KIF26B: variants seen among roughly 807,000 people sequenced by gnomAD.
The protein encoded by KIF26B is kinesin family member 26B.
In KIF26B, 63 loss-of-function variants were observed where a neutral mutation model predicts 151.2. The ratio of observed to expected loss-of-function variants is 0.42; its 90% CI spans 0.34 to 0.51. The LOEUF is 0.51. Among genes scored for constraint, KIF26B ranks in the 20% least tolerant of loss-of-function variants. The probability of loss-of-function intolerance (pLI) is 0.07; values close to 1 mark genes in which losing one functional copy is unlikely to be tolerated. For missense variants in KIF26B, 2,813 were observed against 2,913.6 expected (o/e 0.97, Z 0.79); for synonymous variants, 1,357 against 1,262.1 (o/e 1.08, Z -1.59).
At chr1:245,556,870 T>A in intron 5 of KIF26B, among the ~76,000 whole-genome samples, 1 of 152,030 alleles carries the variant, frequency 6.6e-6, no homozygotes, top group East Asian at 1.9e-4. Flanking sequence ...AATGTTTTGT[T>A]TCTGCCTTTC....
intron 9 of KIF26B, among the ~76,000 whole-genome samples, chr1:245,622,442 A>G (rs76134835): frequency 0.015 from 2,265 of 152,286 alleles, 69 homozygotes; most frequent in African/African-American, 0.052. Flanking sequence ...TTCATCCTAC[A>G]GCATGAGCAG....
At chr1:245,188,558 A>T (rs867418978) in intron 2 of KIF26B, among the ~76,000 whole-genome samples, 3 of 152,222 alleles carry the variant, frequency 2.0e-5, no homozygotes, top group Admixed American at 6.5e-5. Context: ...CTCCCAAGTT[A>T]GTTCCTCTTA....
rs12028553 is a variant in KIF26B, at chr1:245,252,218, A to G, written c.465+95535A>G. ...CTGAGCCCAGGAGTTTGAGGCTGCA[A>G]TGAGTCAAGATTGCACCTCTGTACT... On this transcript the variant is annotated intron_variant, in intron 2 of 14. Transcript: ENST00000407071. Among the ~76,000 whole-genome samples the G allele has an allele frequency of 5.7e-3, 870 of 151,764 alleles. 16 individuals are homozygous for G. In the East Asian group the frequency reaches 0.078, roughly 14 times the overall value.
chr1:245,684,162 C>T, intron 10 of KIF26B, 71 bp from the exon 11 acceptor site: 1 of 1,528,582 alleles, frequency 6.5e-7, no homozygotes, highest in Non-Finnish European at 8.9e-7. Flanking sequence ...CGTGTGCAGG[C>T]CTGAAGCCCT....
intron 2 of KIF26B, among the ~76,000 whole-genome samples, chr1:245,266,708 T>C (rs1387712904): frequency 2.0e-5 from 3 of 152,102 alleles, no homozygotes; most frequent in Admixed American, 2.0e-4. Flanking sequence ...GGTTTCACCA[T>C]CTTGGTCAGC....
Position 245,488,420 on chromosome 1 carries a change from G to T in KIF26B, c.1167-52347G>T, listed in dbSNP as rs781103736. Among the ~76,000 whole-genome samples, 1 of 152,082 alleles carries T rather than the reference G, an allele frequency of 6.6e-6. No individual in the cohort carries two copies. Among genetic ancestry groups the T allele is most frequent in the South Asian group, 2.1e-4 (1 of 4,812 alleles). ...GCTCTCTGAAAACTCTACCCAGATC[G>T]TACACTCCTTGCTGGGTAGGATTGT... On this transcript the variant is annotated intron_variant, in intron 4 of 14. Transcript: ENST00000407071. The surrounding 1 kb of genome is among the most constrained non-coding windows in gnomAD (Gnocchi z 4.6).
rs562010957 is a variant in KIF26B at position 245,219,411 on chromosome 1, G to A, written c.465+62728G>A. ...TGGGATTATAGGCGCGAGCCACTGC[G>A]CCTAGTCTGCTCTGGTTTCTAATAG... is the stretch of plus-strand genomic sequence containing the variant. On this transcript the variant is annotated intron_variant, in intron 2 of 14. Transcript: ENST00000407071. Among the ~76,000 whole-genome samples, 276 of 152,000 alleles carry A rather than the reference G, an allele frequency of 1.8e-3. 1 individual carries two copies. Among genetic ancestry groups the A allele is most frequent in the Non-Finnish European group, 2.0e-3 (134 of 67,958 alleles).
In KIF26B at chr1:245,338,712, T is replaced by C. The variant is rs540026718; in HGVS notation, c.466-28122T>C. On this transcript the variant is annotated intron_variant, in intron 2 of 14. Coordinates refer to ENST00000407071, the MANE Select transcript of KIF26B (RefSeq NM_018012.4). ...AGTCAGCTGATGGCATGGAGCAGTA[T>C]GTTGTAACCTCTGACCCGAAGGGCA... Among the ~76,000 whole-genome samples the C allele has an allele frequency of 6.6e-5, 10 of 152,298 alleles. No homozygotes were observed. The South Asian group carries it at 1.9e-3, about 28-fold the overall frequency.
intron 6 of KIF26B, among the ~76,000 whole-genome samples, chr1:245,603,906 T>C (rs2043423392): frequency 6.6e-6 from 1 of 152,158 alleles, no homozygotes; most frequent in Non-Finnish European, 1.5e-5. Flanking sequence ...GGGAGGCTAC[T>C]TGGGGGCCCA....
chr1:245,428,047 TG>T (rs1658689499), intron 4 of KIF26B, among the ~76,000 whole-genome samples: 1 of 152,202 alleles, frequency 6.6e-6, no homozygotes, highest in African/African-American at 2.4e-5. Flanking sequence ...AGGTAATGTC[TG>T]GGCTCATGTT....
intron 4 of KIF26B, among the ~76,000 whole-genome samples, chr1:245,487,176 G>C (rs1262047146): frequency 6.6e-6 from 1 of 152,150 alleles, no homozygotes; most frequent in Non-Finnish European, 1.5e-5. Flanking sequence ...GTCATTGTAA[G>C]TATGATCATG....
intron 2 of KIF26B, among the ~76,000 whole-genome samples, chr1:245,243,969 T>C (rs1670263834): frequency 1.3e-5 from 2 of 152,212 alleles, no homozygotes; most frequent in African/African-American, 4.8e-5. Context: ...AGACAGGGTC[T>C]CACTCTGATG....
intron 4 of KIF26B, among the ~76,000 whole-genome samples, chr1:245,451,585 CTTT>C (rs58192966): frequency 0.025 from 1,466 of 58,446 alleles, 4 homozygotes; most frequent in African/African-American, 0.1. Flanking sequence ...GAAGATCTAT[CTTT>C]TTTTTTTTTT....
rs569276187 is a variant in KIF26B, at chr1:245,618,140, C to T, written c.2098+6164C>T. On this transcript the variant is annotated intron_variant, in intron 9 of 14. Coordinates refer to ENST00000407071, the MANE Select transcript of KIF26B (RefSeq NM_018012.4). ...ACCTTGCCTCTGCCACGCTCCTCTC[C>T]GATCGCCTCCTCAACAAAGACGTCA... Among the ~76,000 whole-genome samples the T allele has an allele frequency of 7.2e-5, 11 of 152,306 alleles. No individual in the cohort carries two copies. The South Asian group carries it at 1.0e-3, about 14-fold the overall frequency.
chr1:245,672,782 TC>T (rs1191807140), intron 10 of KIF26B, among the ~76,000 whole-genome samples: 1 of 152,126 alleles, frequency 6.6e-6, no homozygotes, highest in Non-Finnish European at 1.5e-5. Context: ...CTATTTAACC[TC>T]CCTTTCACCT....
At chr1:245,467,622 C>T (rs1034172731) in intron 4 of KIF26B, among the ~76,000 whole-genome samples, 3 of 152,144 alleles carry the variant, frequency 2.0e-5, no homozygotes, top group Non-Finnish European at 2.9e-5. Flanking sequence ...AGGCCGGGCG[C>T]GGTGGCTCAT....
intron 4 of KIF26B, among the ~76,000 whole-genome samples, chr1:245,483,916 T>C (rs1158212491): frequency 2.0e-5 from 3 of 151,964 alleles, no homozygotes; most frequent in African/African-American, 7.2e-5. Context: ...AATGTGTTTA[T>C]GAAAATCTGA....
At chr1:245,633,430 G>T (rs2043802507) in intron 9 of KIF26B, among the ~76,000 whole-genome samples, 1 of 151,874 alleles carries the variant, frequency 6.6e-6, no homozygotes, top group Non-Finnish European at 1.5e-5. Flanking sequence ...TATATTTTTT[G>T]TTCCTTTCTT....
chr1:245,257,731 A>G (rs1197289577), intron 2 of KIF26B, among the ~76,000 whole-genome samples: 1 of 152,138 alleles, frequency 6.6e-6, no homozygotes, highest in Non-Finnish European at 1.5e-5. Context: ...TGATCAAGAA[A>G]GTTGGTCAGG....
Sources: allele counts gnomAD v4.1 joint callset (sites outside exome capture counted in the v4.1 genomes callset), GRCh38; gene constraint gnomAD v4.1.1; non-coding constraint Gnocchi (gnomAD v3.1); transcripts MANE v1.5; gene names NCBI Gene and HGNC (gene_info 2026-07-23, HGNC 2026-07-21).